The following DSCAML1 variants were observed in gnomAD, a reference collection of about 807,000 sequenced individuals.
The protein encoded by DSCAML1 is cell adhesion molecule DSCAML1.
A neutral mutation model predicts 200.5 loss-of-function variants in DSCAML1; 38 were observed. That is an observed-to-expected ratio of 0.19 (90% CI 0.15 to 0.25). The LOEUF (loss-of-function observed/expected upper bound fraction) is 0.25, where lower values mean the gene tolerates loss of function less well. Among genes scored for constraint, DSCAML1 ranks in the 10% least tolerant of loss-of-function variants. The pLI is 1.00. For missense variants in DSCAML1, 2,223 were observed against 2,858.8 expected (o/e 0.78, Z 5.07); for synonymous variants, 1,215 against 1,165.0 (o/e 1.04, Z -0.87).
chr11:117,625,581 C>T (rs968854578), intron 3 of DSCAML1, among the ~76,000 whole-genome samples: 1 of 152,184 alleles, frequency 6.6e-6, no homozygotes, highest in East Asian at 1.9e-4. Context: ...TCAGCCCTAG[C>T]GTCCAGGGCA....
chr11:117,518,279 C>A lies in DSCAML1; in HGVS notation c.1510+187G>T. 1 of 725,462 alleles carries A rather than the reference C, an allele frequency of 1.4e-6. No individual in the cohort carries two copies. The highest frequency in any genetic ancestry group is 2.3e-6 in the Non-Finnish European group (1 of 430,842). 44.9% of individuals were successfully genotyped at this position (725,462 alleles called of 1,614,324 possible). On this transcript the variant is annotated intron_variant, in intron 7 of 32. Transcript: ENST00000651296. This position sits in a 1 kb window ranked among gnomAD's most constrained non-coding sequence, Gnocchi z 6.3. ...GGGTGAACTGTACCAGACACACACACGCACACAAGAATGGATGATGGCGCT... is the reference window on the plus strand; with the variant it reads ...GGGTGAACTGTACCAGACACACACAAGCACACAAGAATGGATGATGGCGCT...
At position 117,718,677 on chromosome 11, in the gene DSCAML1, C is replaced by A. The variant is rs1229424777; in HGVS notation, c.511+58114G>T. On this transcript the variant is annotated intron_variant, in intron 3 of 32. Transcript: ENST00000651296. ...AAGATGAATACTCAAAACCCCCCCC[C>A]CCCCCCATCATATGAGACCTTTAAA... 7.4e-5 allele frequency among the ~76,000 whole-genome samples: 7 copies of A among 94,332 alleles called. 1 individual carries two copies. The highest frequency in any genetic ancestry group is 2.0e-4 in the Admixed American group (2 of 10,160). 61.9% of individuals were successfully genotyped at this position (94,332 alleles called of 152,430 possible).
In DSCAML1 at chr11:117,525,102, C is replaced by G. The variant is rs368821791; in HGVS notation, c.659-19G>C. On this transcript the variant is annotated intron_variant, in intron 4 of 32. Coordinates refer to ENST00000651296, the MANE Select transcript of DSCAML1 (RefSeq NM_020693.4). ...GCAGGGTCTGGAAGGCAGAGAGGGT[C>G]GGCAGCCCTGGCCAGCCCTGGGTGG... is the stretch of plus-strand genomic sequence containing the variant. 6.6e-7 allele frequency: 1 copy of G among 1,517,902 alleles called. No individual in the cohort carries two copies. Among genetic ancestry groups the G allele is most frequent in the South Asian group, 1.3e-5 (1 of 79,536 alleles). 94.0% of individuals were successfully genotyped at this position (1,517,902 alleles called of 1,614,324 possible).
intron 1 of DSCAML1, among the ~76,000 whole-genome samples, chr11:117,793,407 G>A (rs2055512484): frequency 1.3e-5 from 2 of 152,294 alleles, no homozygotes; most frequent in South Asian, 4.1e-4. Context: ...AAAACTCTCT[G>A]AGCATCTGCC....
At chr11:117,673,412 C>T (rs2053150104) in intron 3 of DSCAML1, among the ~76,000 whole-genome samples, 1 of 152,190 alleles carries the variant, frequency 6.6e-6, no homozygotes, top group Admixed American at 6.5e-5. Flanking sequence ...ATCCTGTCTC[C>T]TGCCCATTTC....
chr11:117,431,839 C>G (rs894032733), intron 30 of DSCAML1, 111 bp from the exon 31 acceptor site: 12 of 1,043,758 alleles, frequency 1.1e-5, no homozygotes, highest in South Asian at 1.9e-5. Context: ...GCAGATGCAG[C>G]CACAGAAGCG....
chr11:117,466,289 C>T (rs763523056), intron 16 of DSCAML1, among the ~76,000 whole-genome samples: 15 of 152,200 alleles, frequency 9.9e-5, no homozygotes, highest in African/African-American at 2.4e-4. Flanking sequence ...CACTGACATC[C>T]GTCACAGCGC....
chr11:117,648,319 C>T (rs535390940), intron 3 of DSCAML1, among the ~76,000 whole-genome samples: 2 of 152,278 alleles, frequency 1.3e-5, no homozygotes, highest in South Asian at 2.1e-4. Flanking sequence ...CAGCAGGGGC[C>T]GGCTCAAGGT....
chr11:117,781,609 G>A (rs1054628757), intron 1 of DSCAML1, among the ~76,000 whole-genome samples: 3 of 152,216 alleles, frequency 2.0e-5, no homozygotes, highest in African/African-American at 7.2e-5. Flanking sequence ...CAGCAGAAGA[G>A]TGGGTGGATA....
At chr11:117,508,434 GA>G (rs993236541) in intron 8 of DSCAML1, among the ~76,000 whole-genome samples, 1 of 152,046 alleles carries the variant, frequency 6.6e-6, no homozygotes, top group African/African-American at 2.4e-5. Context: ...GTCGGGTGAG[GA>G]AATGCACAAA....
intron 27 of DSCAML1, among the ~76,000 whole-genome samples, chr11:117,435,171 G>T (rs184461454): frequency 1.3e-5 from 2 of 152,346 alleles, no homozygotes; most frequent in East Asian, 3.9e-4. Context: ...GGAAAAAGGG[G>T]ATAATATTCA....
intron 3 of DSCAML1, among the ~76,000 whole-genome samples, chr11:117,595,710 G>A (rs538994606): frequency 7.2e-5 from 11 of 152,034 alleles, no homozygotes; most frequent in Admixed American, 2.0e-4. Flanking sequence ...TATCAATGTC[G>A]CCCATCTCTA....
chr11:117,696,067 T>G (rs1240320576), intron 3 of DSCAML1, among the ~76,000 whole-genome samples: 1 of 152,060 alleles, frequency 6.6e-6, no homozygotes. Context: ...TATTAGAAGA[T>G]TTAAACACGG....
intron 3 of DSCAML1, among the ~76,000 whole-genome samples, chr11:117,599,398 C>T (rs995604650): frequency 2.6e-5 from 4 of 152,214 alleles, no homozygotes; most frequent in African/African-American, 7.2e-5. Context: ...CCTTATTACT[C>T]ATTCTCATAG....
intron 3 of DSCAML1, among the ~76,000 whole-genome samples, chr11:117,605,452 C>T (rs2051546019): frequency 6.6e-6 from 1 of 152,220 alleles, no homozygotes; most frequent in African/African-American, 2.4e-5. Context: ...ACAAACCCAG[C>T]ACAGCCCAGA....
rs2052426140 is a variant in DSCAML1, at chr11:117,642,279, C to T, written c.512-109757G>A. 6.6e-6 allele frequency among the ~76,000 whole-genome samples: 1 copy of T among 152,134 alleles called. No individual in the cohort carries two copies. The highest frequency in any genetic ancestry group is 1.5e-5 in the Non-Finnish European group (1 of 68,024). On this transcript the variant is annotated intron_variant, in intron 3 of 32. Coordinates refer to ENST00000651296, the MANE Select transcript of DSCAML1 (RefSeq NM_020693.4). This position sits in a 1 kb window ranked among gnomAD's most constrained non-coding sequence, Gnocchi z 4.1. ...GGAGTGCTTTCATCCCCACAGTGCC[C>T]CTCTGAGGCTCTGAACCACTCTTCT...
chr11:117,780,205 GAA>G lies in DSCAML1; in HGVS notation c.364+286_364+287del, dbSNP rs1433369213. Among the ~76,000 whole-genome samples the G allele has an allele frequency of 0.038, 1,714 of 44,586 alleles. 138 individuals are homozygous for G. Among genetic ancestry groups the G allele is most frequent in the African/African-American group, 0.11 (1,620 of 15,420 alleles). 29.3% of individuals were successfully genotyped at this position (44,586 alleles called of 152,430 possible). A position where few individuals can be genotyped will look rare whatever the true frequency, so the allele number is the denominator to read the frequency against. On this transcript the variant is annotated intron_variant, in intron 2 of 32. Coordinates refer to ENST00000651296, the MANE Select transcript of DSCAML1 (RefSeq NM_020693.4). The surrounding 1 kb of genome is among the most constrained non-coding windows in gnomAD (Gnocchi z 4.8). ...AAAAAAAGAAAGAAAGAAAGAGAAA[GAA>G]AGAGAGAGAGAGAAAGAAAGAAAGG...
At chr11:117,657,334 TG>T (rs1285645638) in intron 3 of DSCAML1, among the ~76,000 whole-genome samples, 2 of 152,124 alleles carry the variant, frequency 1.3e-5, no homozygotes, top group Non-Finnish European at 2.9e-5. Context: ...GACAGACTCT[TG>T]GAACAGAAGA....
chr11:117,752,748 G>T (rs2054623502), intron 3 of DSCAML1, among the ~76,000 whole-genome samples: 1 of 152,340 alleles, frequency 6.6e-6, no homozygotes, highest in East Asian at 1.9e-4. Flanking sequence ...TGAGGGAGAA[G>T]AAGCCTATTT....
Sources: allele counts gnomAD v4.1 joint callset (sites outside exome capture counted in the v4.1 genomes callset), GRCh38; gene constraint gnomAD v4.1.1; non-coding constraint Gnocchi (gnomAD v3.1); transcripts MANE v1.5; gene names NCBI Gene and HGNC (gene_info 2026-07-23, HGNC 2026-07-21).